RAD52: variants seen among roughly 807,000 people sequenced by gnomAD.
The protein encoded by RAD52 is RAD52 DNA repair protein.
Under a neutral mutation model 55.5 loss-of-function variants are expected in RAD52, and 47 were observed. That is an observed-to-expected ratio of 0.85 (90% CI 0.67 to 1.08). The LOEUF (loss-of-function observed/expected upper bound fraction) is 1.08, where lower values mean the gene tolerates loss of function less well. Among genes scored for constraint, RAD52 ranks in the 50% least tolerant of loss-of-function variants. RAD52 has a pLI of 0.00. For missense variants in RAD52, 468 were observed against 522.8 expected (o/e 0.90, Z 1.02); for synonymous variants, 184 against 198.9 (o/e 0.92, Z 0.63).
intron 1 of RAD52, among the ~76,000 whole-genome samples, chr12:939,095 G>GAA (rs1351049177): frequency 1.4e-4 from 14 of 96,822 alleles, no homozygotes; most frequent in Non-Finnish European, 3.2e-4. Flanking sequence ...TAGAGAGAGA[G>GAA]AAAAAGGCAA....
intron 1 of RAD52, among the ~76,000 whole-genome samples, chr12:989,208 T>C (rs1371299826): frequency 6.6e-6 from 1 of 152,222 alleles, no homozygotes; most frequent in East Asian, 1.9e-4. Context: ...TTGCTCTGTC[T>C]GGTAGTTATC....
At chr12:956,527 T>C (rs1217092783) in intron 1 of RAD52, among the ~76,000 whole-genome samples, 1 of 152,184 alleles carries the variant, frequency 6.6e-6, no homozygotes, top group Non-Finnish European at 1.5e-5. Context: ...GGGTTTTCTG[T>C]TACTTATAGC....
chr12:985,732 TC>T (rs892434591), intron 1 of RAD52, among the ~76,000 whole-genome samples: 16 of 152,194 alleles, frequency 1.1e-4, no homozygotes, highest in African/African-American at 3.9e-4. Context: ...AACCTCCGGC[TC>T]CCAGGTTCAA....
rs1359830940 is a variant in RAD52 at position 931,261 on chromosome 12, G to A, written c.145C>T (p.Pro49Ser). Reference protein sequence around the residue: ...IQKALRQRLGPEYISSRMAGG... With the variant: ...IQKALRQRLGSEYISSRMAGG... ...GCCATGCGGCTACTTATGTATTCTG[G>A]GCCCAGCCTCTGCCTCAGGGCCTTC... The change falls in exon 3 of 12, where the codon CCA (proline) becomes TCA (serine). Residue 49 changes from proline to serine, a missense_variant. Physicochemically the swap from Pro to Ser is moderately conservative, Grantham distance 74. Transcript: ENST00000358495. The A allele has an allele frequency of 7.4e-6, 12 of 1,612,426 alleles. No homozygotes were observed. The highest frequency in any genetic ancestry group is 1.6e-4 in the Middle Eastern group (1 of 6,080).
chr12:950,019 G>A (rs1179567233), upstream of RAD52, among the ~76,000 whole-genome samples: 1 of 152,178 alleles, frequency 6.6e-6, no homozygotes, highest in East Asian at 1.9e-4. Context: ...GTTAGGCCCG[G>A]GTGGTTCACA....
chr12:935,380 C>CTTTT (rs34383735), intron 1 of RAD52, among the ~76,000 whole-genome samples: 3 of 128,496 alleles, frequency 2.3e-5, no homozygotes, highest in Admixed American at 8.1e-5. Context: ...ACCTGTGAAT[C>CTTTT]TTTTTTTTTT....
chr12:924,206 G>A (rs181016003), intron 7 of RAD52, among the ~76,000 whole-genome samples: 289 of 152,120 alleles, frequency 1.9e-3, no homozygotes, highest in African/African-American at 6.4e-3. Context: ...TCAGGAATTC[G>A]AGACCAGCCT....
chr12:961,309 CAAAAAAAAA>C (rs60547688), intron 1 of RAD52, among the ~76,000 whole-genome samples: 3 of 33,810 alleles, frequency 8.9e-5, no homozygotes, highest in South Asian at 1.7e-3. Context: ...GACTCCATCT[CAAAAAAAAA>C]AAAAAAAAAA....
At chr12:921,348 T>C (rs551660892) in intron 7 of RAD52, among the ~76,000 whole-genome samples, 72 of 152,344 alleles carry the variant, frequency 4.7e-4, no homozygotes, top group African/African-American at 1.7e-3. Context: ...TTCTCACGCC[T>C]GTTATCCCAG....
At chr12:963,870 C>T (rs6489770) in intron 1 of RAD52, among the ~76,000 whole-genome samples, 3,284 of 151,744 alleles carry the variant, frequency 0.022, 99 homozygotes, top group African/African-American at 0.061. Flanking sequence ...ACTAGAGTGA[C>T]GAGGGCAGCG....
chr12:924,446 T>C (rs1956914169), intron 7 of RAD52, among the ~76,000 whole-genome samples: 1 of 152,094 alleles, frequency 6.6e-6, no homozygotes, highest in African/African-American at 2.4e-5. Flanking sequence ...GCAAACTGAA[T>C]CCAATAATGT....
intron 1 of RAD52, among the ~76,000 whole-genome samples, chr12:965,562 T>A (rs1958749122): frequency 6.6e-6 from 1 of 152,082 alleles, no homozygotes. Context: ...GAATCCCCAG[T>A]ATTAGCTGCC....
intron 5 of RAD52, among the ~76,000 whole-genome samples, chr12:928,787 G>T (rs1325424467): frequency 6.6e-6 from 1 of 152,004 alleles, no homozygotes; most frequent in Non-Finnish European, 1.5e-5. Flanking sequence ...AAATCCAAAA[G>T]AAATATTTTA....
At chr12:963,813 T>C (rs1290656035) in intron 1 of RAD52, among the ~76,000 whole-genome samples, 2 of 151,260 alleles carry the variant, frequency 1.3e-5, no homozygotes, top group Non-Finnish European at 2.9e-5. Context: ...AGCAATAAAA[T>C]TATCGGCAAG....
chr12:983,943 G>A (rs1466262857), intron 1 of RAD52, among the ~76,000 whole-genome samples: 1 of 152,142 alleles, frequency 6.6e-6, no homozygotes, highest in Admixed American at 6.6e-5. Context: ...CTTTAACAGT[G>A]TAATGGATGC....
In RAD52 at chr12:914,051, C is replaced by A; in HGVS notation, c.1038G>T (p.Ser346=). The A allele has an allele frequency of 2.5e-6, 4 of 1,614,140 alleles. No individual in the cohort carries two copies. The highest frequency in any genetic ancestry group is 2.5e-6 in the Non-Finnish European group (3 of 1,180,024). ...AGGTCTGGGCTGGGTCTGCTCTAGA[C>A]GAGGGCTTGACCACACCATCCCCTG... The part of the protein sequence containing the change: ...PDAGDGVVKP[S]SRADPAQTSD... Residue 346 remains serine (S), a synonymous_variant, in exon 11 of 12, where the codon TCG becomes TCT. Transcript: ENST00000358495.
At chr12:932,520 T>G (rs866627581) in intron 2 of RAD52, among the ~76,000 whole-genome samples, 2 of 151,062 alleles carry the variant, frequency 1.3e-5, no homozygotes, top group African/African-American at 4.9e-5. Flanking sequence ...TAGAACTGGG[T>G]GGCATGCACA....
At chr12:970,038 G>A (rs1028260431) in intron 1 of RAD52, among the ~76,000 whole-genome samples, 2 of 147,684 alleles carry the variant, frequency 1.4e-5, no homozygotes, top group Admixed American at 6.9e-5. Context: ...GCTGGGCGCG[G>A]TGACTCATGC....
At chr12:925,143 G>T (rs1289734420) in intron 7 of RAD52, among the ~76,000 whole-genome samples, 2 of 151,952 alleles carry the variant, frequency 1.3e-5, no homozygotes, top group Non-Finnish European at 2.9e-5. Flanking sequence ...GTAGAGACAG[G>T]GTTTCACCGT....
Sources: allele counts gnomAD v4.1 joint callset (sites outside exome capture counted in the v4.1 genomes callset), GRCh38; gene constraint gnomAD v4.1.1; transcripts MANE v1.5; gene names NCBI Gene and HGNC (gene_info 2026-07-23, HGNC 2026-07-21).